NAV3: variants seen among roughly 807,000 people sequenced by gnomAD.
The protein encoded by NAV3 is pore membrane and/or filament interacting like protein 1.
In NAV3, 87 loss-of-function variants were observed where a neutral mutation model predicts 244.7. The observed-to-expected ratio is 0.36, with a 90% CI of 0.30 to 0.42. NAV3 has a LOEUF of 0.42. Among genes scored for constraint, NAV3 ranks in the 20% least tolerant of loss-of-function variants. The pLI is 1.00. For missense variants in NAV3, 2,663 were observed against 2,893.3 expected (o/e 0.92, Z 1.83); for synonymous variants, 1,126 against 1,042.2 (o/e 1.08, Z -1.55).
At chr12:78,133,075 T>G (rs1361031638) in intron 18 of NAV3, among the ~76,000 whole-genome samples, 1 of 152,124 alleles carries the variant, frequency 6.6e-6, no homozygotes, top group Non-Finnish European at 1.5e-5. Context: ...TGCAGCAGAT[T>G]TTAAATTGAT....
In NAV3 at chr12:78,078,375, CTTTTTTTTTTTTTTTTTTT is replaced by C. The variant is rs71088356; in HGVS notation, c.2636+19280_2636+19298del. Among the ~76,000 whole-genome samples, 35 of 67,844 alleles carry C rather than the reference CTTTTTTTTTTTTTTTTTTT, an allele frequency of 5.2e-4. 1 individual carries two copies. Among genetic ancestry groups the C allele is most frequent in the East Asian group, 4.3e-4 (1 of 2,340 alleles). 44.5% of individuals were successfully genotyped at this position (67,844 alleles called of 152,430 possible). ...AGAGTTGCATTTCACTCTTTCCACT[CTTTTTTTTTTTTTTTTTTT>C]TTTTTTTTTTTTTTTTTTTGAGACG... On this transcript the variant is annotated intron_variant, in intron 12 of 39. Coordinates refer to ENST00000397909, the MANE Select transcript of NAV3 (RefSeq NM_001024383.2).
At chr12:77,626,592 C>CA (rs926707129) in intron 2 of NAV3, among the ~76,000 whole-genome samples, 26 of 152,096 alleles carry the variant, frequency 1.7e-4, no homozygotes, top group African/African-American at 6.0e-4. Context: ...ATCAGACCAA[C>CA]ATGGATTTTT....
At chr12:77,929,964 T>G (rs914805010) in intron 1 of NAV3, among the ~76,000 whole-genome samples, 3 of 152,050 alleles carry the variant, frequency 2.0e-5, no homozygotes, top group Non-Finnish European at 4.4e-5. Context: ...ACTTTATTTT[T>G]AAATGAATGA....
intron 2 of NAV3, among the ~76,000 whole-genome samples, chr12:77,719,471 G>A (rs1174753031): frequency 1.3e-5 from 2 of 151,450 alleles, no homozygotes; most frequent in Non-Finnish European, 2.9e-5. Flanking sequence ...ATTATTTTGA[G>A]GTAATTATCT....
At chr12:77,746,519 AACTAAT>A (rs1482291754) in intron 2 of NAV3, among the ~76,000 whole-genome samples, 7 of 152,280 alleles carry the variant, frequency 4.6e-5, no homozygotes, top group African/African-American at 1.7e-4. Context: ...TATATTACAT[AACTAAT>A]ACTGTGTTGG....
chr12:77,855,447 A>T (rs1878250892), intron 1 of NAV3, among the ~76,000 whole-genome samples: 1 of 152,186 alleles, frequency 6.6e-6, no homozygotes, highest in Admixed American at 6.5e-5. Context: ...CCTAAAGGGT[A>T]TCACAATATT....
At chr12:78,045,094 G>A (rs1239132041) in intron 9 of NAV3, among the ~76,000 whole-genome samples, 2 of 152,100 alleles carry the variant, frequency 1.3e-5, no homozygotes. Context: ...ATGATTTTGA[G>A]ATACATTCCA....
At chr12:77,775,867 G>T (rs933698227) in intron 2 of NAV3, 7 of 152,234 alleles carry the variant, frequency 4.6e-5, no homozygotes, top group African/African-American at 1.7e-4. Flanking sequence ...CTGAAGCTGG[G>T]AGTAGCATGT....
At chr12:78,038,709 G>A (rs1427070226) in intron 9 of NAV3, among the ~76,000 whole-genome samples, 1 of 152,174 alleles carries the variant, frequency 6.6e-6, no homozygotes, top group Non-Finnish European at 1.5e-5. Flanking sequence ...GCACAAAGGC[G>A]AGAGAAAGTC....
At chr12:77,702,030 G>T (rs993560239) in intron 2 of NAV3, among the ~76,000 whole-genome samples, 4 of 151,858 alleles carry the variant, frequency 2.6e-5, no homozygotes, top group African/African-American at 9.7e-5. Flanking sequence ...TTTTCTAGTT[G>T]TGTTATAAAT....
intron 3 of NAV3, among the ~76,000 whole-genome samples, chr12:77,951,619 C>T (rs929723966): frequency 1.3e-5 from 2 of 152,090 alleles, no homozygotes; most frequent in African/African-American, 4.8e-5. Flanking sequence ...CACATGCACA[C>T]GTATGTTCAT....
rs1486937451 is a variant in NAV3, at chr12:78,204,876, C to CT, written c.6835-53dup. On this transcript the variant is annotated intron_variant, in intron 38 of 39. Coordinates refer to ENST00000397909, the MANE Select transcript of NAV3 (RefSeq NM_001024383.2). ...AAAATCACATCCAACTAGCAGTCCC[C>CT]TTTTTTGCTGAATAGAAATGCATTT... 1.7e-5 allele frequency: 26 copies of CT among 1,516,976 alleles called. No homozygotes were observed. The South Asian group carries it at 2.5e-4, about 14-fold the overall frequency. The allele number at this position is 1,516,976 out of a possible 1,614,324, so 94.0% of individuals were successfully genotyped here. A position where few individuals can be genotyped will look rare whatever the true frequency, so the allele number is the denominator to read the frequency against.
At chr12:77,832,803 T>G (rs1006153892) in intron 1 of NAV3, among the ~76,000 whole-genome samples, 68 of 152,176 alleles carry the variant, frequency 4.5e-4, no homozygotes, top group Admixed American at 4.4e-3. Flanking sequence ...TTCCAGCCTC[T>G]GGTAACCATC....
intron 11 of NAV3, among the ~76,000 whole-genome samples, chr12:78,052,492 T>G (rs1882904145): frequency 6.6e-6 from 1 of 152,154 alleles, no homozygotes; most frequent in Non-Finnish European, 1.5e-5. Flanking sequence ...AGGATAAAAT[T>G]GTACCATCTT....
At chr12:78,200,616 ATTTT>A (rs34801447) in intron 38 of NAV3, 25 bp downstream of exon 38, 570 of 1,135,558 alleles carry the variant, frequency 5.0e-4, no homozygotes, top group Non-Finnish European at 4.9e-4. Flanking sequence ...TTTCATTGCT[ATTTT>A]TTTTTAAAAA....
intron 2 of NAV3, among the ~76,000 whole-genome samples, chr12:77,723,782 T>C (rs1437004045): frequency 2.2e-5 from 3 of 138,918 alleles, no homozygotes; most frequent in East Asian, 2.1e-4. Flanking sequence ...TTTTTTTACA[T>C]ATATCTCTAT....
chr12:77,914,869 A>G (rs1886972629), intron 1 of NAV3, among the ~76,000 whole-genome samples: 1 of 146,102 alleles, frequency 6.8e-6, no homozygotes, highest in African/African-American at 2.5e-5. Context: ...TGATGTTTTG[A>G]GCTTTATGCC....
intron 3 of NAV3, among the ~76,000 whole-genome samples, chr12:77,941,629 G>A (rs542811023): frequency 7.2e-5 from 11 of 152,202 alleles, no homozygotes; most frequent in South Asian, 2.1e-4. Context: ...GATATGATTC[G>A]TAGTCTCTTC....
chr12:78,080,844 G>T (rs1213769409), intron 12 of NAV3, among the ~76,000 whole-genome samples: 1 of 152,214 alleles, frequency 6.6e-6, no homozygotes, highest in Non-Finnish European at 1.5e-5. Context: ...GGTACAATCA[G>T]CACCATCTAA....
Sources: gnomAD v4.1 joint callset for allele counts (sites outside exome capture counted in the v4.1 genomes callset) on GRCh38, gnomAD v4.1.1 for gene constraint, MANE v1.5 for transcripts, NCBI Gene and HGNC (gene_info 2026-07-23, HGNC 2026-07-21) for gene names.